The following BPTF variants were observed in gnomAD, a reference collection of about 807,000 sequenced individuals.
The protein encoded by BPTF is nucleosome-remodeling factor subunit BPTF.
In BPTF, 18 loss-of-function variants were observed where a neutral mutation model predicts 292.5. The observed-to-expected ratio is 0.06, with a 90% CI of 0.04 to 0.09. The LOEUF (loss-of-function observed/expected upper bound fraction) is 0.09. BPTF is among the 10% of genes least tolerant of loss of function. The pLI, the probability that BPTF is intolerant of heterozygous loss-of-function variation, is 1.00. For missense variants in BPTF, 2,726 were observed against 3,498.7 expected, an observed-to-expected ratio of 0.78 and a Z score of 5.57; for synonymous variants, 1,225 against 1,251.9, an observed-to-expected ratio of 0.98 and a Z score of 0.45.
At chr17:67,883,520 G>T (rs1248321103) in intron 4 of BPTF, among the ~76,000 whole-genome samples, 1 of 152,048 alleles carries the variant, frequency 6.6e-6, no homozygotes, top group Non-Finnish European at 1.5e-5. Context: ...TCTCTCTCTA[G>T]GTAACCATGT....
rs767943276 is a variant in BPTF, at chr17:67,911,757, T to C, written c.3873T>C (p.Asn1291=). The C allele has an allele frequency of 3.1e-6, 5 of 1,614,044 alleles. No homozygotes were observed. The highest frequency in any genetic ancestry group is 4.2e-6 in the Non-Finnish European group (5 of 1,180,038). Residue 1291 remains asparagine, a synonymous_variant, in exon 11 of 28, where the codon AAT becomes AAC. Coordinates refer to ENST00000306378, the MANE Select transcript of BPTF (RefSeq NM_182641.4). ...CTGAATCTAATAGCACTTTGGAAAATAGTTCTGATACCGTGTCTATTCAGG... is the reference window on the plus strand; with the variant it reads ...CTGAATCTAATAGCACTTTGGAAAACAGTTCTGATACCGTGTCTATTCAGG... ...CDSESNSTLE[N]SSDTVSIQDS...
chr17:67,839,718 C>T (rs1213579288), intron 1 of BPTF, among the ~76,000 whole-genome samples: 1 of 152,150 alleles, frequency 6.6e-6, no homozygotes, highest in East Asian at 1.9e-4. Flanking sequence ...TCAGTTATCT[C>T]TGGTTTTTGG....
chr17:67,977,251 A>C (rs1555694462), intron 27 of BPTF, among the ~76,000 whole-genome samples: 1 of 152,182 alleles, frequency 6.6e-6, no homozygotes, highest in African/African-American at 2.4e-5. Context: ...ATGGTGGCTC[A>C]CGCCTGTAAT....
intron 4 of BPTF, among the ~76,000 whole-genome samples, chr17:67,887,954 G>C (rs985336171): frequency 6.6e-6 from 1 of 152,194 alleles, no homozygotes; most frequent in African/African-American, 2.4e-5. Flanking sequence ...AATTTGAGTG[G>C]CTTATCTTGG....
At chr17:67,899,780 C>T (rs1031508100) in intron 7 of BPTF, among the ~76,000 whole-genome samples, 6 of 151,976 alleles carry the variant, frequency 3.9e-5, no homozygotes, top group Non-Finnish European at 8.8e-5. Context: ...CTGCCCACCT[C>T]GGCTTCCCAA....
chr17:67,869,298 T>A (rs1162133112), intron 3 of BPTF, among the ~76,000 whole-genome samples: 3 of 151,136 alleles, frequency 2.0e-5, no homozygotes, highest in Non-Finnish European at 1.5e-5. Flanking sequence ...AACAAAAAAA[T>A]ATTTTCTGTG....
chr17:67,911,934 G>A lies in BPTF; in HGVS notation c.4050G>A (p.Pro1350=), dbSNP rs772759476. ...CTGGAAACTGTGAGGACAGGCTGCC[G>A]GTCAAGGGGACTGAAGCAAATGGTA... The part of the protein sequence containing the change: ...ESTGNCEDRL[P]VKGTEANGKK... The change falls in exon 11 of 28, where the codon CCG becomes CCA. Residue 1350 remains proline, a synonymous_variant. Transcript: ENST00000306378. 9.3e-6 allele frequency: 15 copies of A among 1,613,900 alleles called. No homozygotes were observed. Among genetic ancestry groups the A allele is most frequent in the Admixed American group, 6.7e-5 (4 of 59,964 alleles).
At chr17:67,880,108 G>A (rs1035670909) in intron 4 of BPTF, among the ~76,000 whole-genome samples, 2 of 151,528 alleles carry the variant, frequency 1.3e-5, no homozygotes, top group Non-Finnish European at 2.9e-5. Flanking sequence ...TAATAACATC[G>A]TATCTTTTTT....
At chr17:67,852,750 G>A (rs73350867) in intron 1 of BPTF, among the ~76,000 whole-genome samples, 2,614 of 152,300 alleles carry the variant, frequency 0.017, 74 homozygotes, top group African/African-American at 0.06. Flanking sequence ...AGTTCCAGGA[G>A]GTGGAATTAC....
At chr17:67,936,901 C>T (rs1286408909) in intron 18 of BPTF, among the ~76,000 whole-genome samples, 2 of 152,098 alleles carry the variant, frequency 1.3e-5, no homozygotes, top group African/African-American at 4.8e-5. Flanking sequence ...AGCTATTAAT[C>T]TGGGATTCAA....
chr17:67,831,811 T>G (rs1163563401), intron 1 of BPTF, among the ~76,000 whole-genome samples: 1 of 152,206 alleles, frequency 6.6e-6, no homozygotes, highest in Admixed American at 6.5e-5. Context: ...GTTTTGCACC[T>G]TGGTCTTCCT....
intron 11 of BPTF, among the ~76,000 whole-genome samples, chr17:67,915,563 G>C (rs749195514): frequency 1.3e-5 from 2 of 151,924 alleles, no homozygotes; most frequent in African/African-American, 4.8e-5. Flanking sequence ...ATCTCTTTCT[G>C]TACCTCTACA....
intron 1 of BPTF, among the ~76,000 whole-genome samples, chr17:67,832,025 G>A (rs1232277150): frequency 1.3e-5 from 2 of 152,058 alleles, no homozygotes; most frequent in Non-Finnish European, 2.9e-5. Flanking sequence ...CCGAGTAGGG[G>A]ACTACAGGCG....
chr17:67,963,796 T>G (rs1555685289), intron 24 of BPTF, among the ~76,000 whole-genome samples: 1 of 152,198 alleles, frequency 6.6e-6, no homozygotes, highest in African/African-American at 2.4e-5. Flanking sequence ...CTGACTTGTT[T>G]GGACTTTATC....
chr17:67,867,080 G>T (rs2059434775), intron 3 of BPTF, among the ~76,000 whole-genome samples: 1 of 152,212 alleles, frequency 6.6e-6, no homozygotes, highest in African/African-American at 2.4e-5. Context: ...CTGGTGGACC[G>T]AAACATTGTG....
intron 1 of BPTF, among the ~76,000 whole-genome samples, chr17:67,851,272 CTTT>C (rs57971998): frequency 4.6e-5 from 6 of 129,926 alleles, no homozygotes; most frequent in Non-Finnish European, 5.1e-5. Context: ...CGATTTTCTG[CTTT>C]TTTTTTTTTT....
At position 67,870,726 on chromosome 17, in the gene BPTF, T is replaced by A. The variant is rs544026323; in HGVS notation, c.1660+4039T>A. ...TCAGAATTGTAGCCTGTCTGATGACTTTGACTTGATGTTAACCTCTCAAAG... is the reference window on the plus strand; with the variant it reads ...TCAGAATTGTAGCCTGTCTGATGACATTGACTTGATGTTAACCTCTCAAAG... On this transcript the variant is annotated intron_variant, in intron 3 of 27. Transcript: ENST00000306378. 8.9e-5 allele frequency among the ~76,000 whole-genome samples: 13 copies of A among 146,000 alleles called. No individual in the cohort carries two copies. The South Asian group carries it at 3.0e-3, about 34-fold the overall frequency.
chr17:67,971,377 C>T (rs1374844721), intron 26 of BPTF, among the ~76,000 whole-genome samples: 3 of 151,954 alleles, frequency 2.0e-5, no homozygotes, highest in African/African-American at 7.3e-5. Flanking sequence ...CCGCACCTGG[C>T]CCATTTTAGG....
intron 4 of BPTF, chr17:67,875,749 A>G (rs2060011792): frequency 6.4e-7 from 1 of 1,563,388 alleles, no homozygotes; most frequent in African/African-American, 1.4e-5. Flanking sequence ...TGCCAGGTAC[A>G]GAGGGCAGCG....
Sources: allele counts gnomAD v4.1 joint callset (sites outside exome capture counted in the v4.1 genomes callset), GRCh38; gene constraint gnomAD v4.1.1; transcripts MANE v1.5; gene names NCBI Gene and HGNC (gene_info 2026-07-23, HGNC 2026-07-21).